The following DMRT1 variants were observed in gnomAD, a reference collection of about 807,000 sequenced individuals.
The protein encoded by DMRT1 is doublesex and mab-3 related transcription factor 1.
In DMRT1, 7 loss-of-function variants were observed where a neutral mutation model predicts 32.3. The observed-to-expected ratio is 0.22, with a 90% CI of 0.12 to 0.41. The LOEUF (loss-of-function observed/expected upper bound fraction) is 0.41, where lower values mean the gene tolerates loss of function less well. DMRT1 is among the 10% of genes least tolerant of loss of function. The pLI is 1.00. For synonymous variants in DMRT1, 278 were observed against 206.1 expected (o/e 1.35, Z -2.99); for missense variants, 625 against 500.5 (o/e 1.25, Z -2.37).
At chr9:924,093 C>A (rs12379451) in intron 4 of DMRT1, among the ~76,000 whole-genome samples, 102,947 of 146,476 alleles carry the variant, frequency 0.7, 37,026 homozygotes, top group South Asian at 0.89. Context: ...TTTTTTCCAC[C>A]TGGAGTCTCT....
intron 2 of DMRT1, 84 bp from the exon 3 acceptor site, chr9:893,828 G>A (rs1817244047): frequency 2.3e-6 from 3 of 1,324,692 alleles, no homozygotes; most frequent in Non-Finnish European, 3.2e-6. Context: ...TGCTCCGCAG[G>A]TCTTGGGTAG....
At chr9:928,385 A>G (rs1359479881) in intron 4 of DMRT1, among the ~76,000 whole-genome samples, 3 of 152,172 alleles carry the variant, frequency 2.0e-5, no homozygotes, top group Non-Finnish European at 4.4e-5. Context: ...TCTCTCCCCC[A>G]TGTATACTTG....
chr9:922,029 C>T (rs1365580692), intron 4 of DMRT1, among the ~76,000 whole-genome samples: 2 of 145,462 alleles, frequency 1.4e-5, no homozygotes, highest in Admixed American at 1.4e-4. Flanking sequence ...TACAGGTGAG[C>T]ACCACAACGC....
intron 4 of DMRT1, among the ~76,000 whole-genome samples, chr9:961,416 T>C (rs1444248942): frequency 2.6e-5 from 4 of 152,176 alleles, no homozygotes; most frequent in African/African-American, 9.7e-5. Flanking sequence ...AAACTTAGGC[T>C]CAAAAACCAC....
Position 873,200 on chromosome 9 carries a change from A to G in DMRT1, c.539-20712A>G, listed in dbSNP as rs145183506. On this transcript the variant is annotated intron_variant, in intron 2 of 4. Transcript: ENST00000382276. ...TGCATCTTCTCATGCACTTTGTGCCATTTTTGTCTGTCTTCTTTAGAGAAA... is the reference window on the plus strand; with the variant it reads ...TGCATCTTCTCATGCACTTTGTGCCGTTTTTGTCTGTCTTCTTTAGAGAAA... Among the ~76,000 whole-genome samples, 49 of 152,102 alleles carry G rather than the reference A, an allele frequency of 3.2e-4. 1 individual carries two copies. The East Asian group carries it at 7.5e-3, about 23-fold the overall frequency.
rs539827618 is a variant in DMRT1, at chr9:912,792, G to C, written c.823-3971G>C. Among the ~76,000 whole-genome samples, 7 of 152,078 alleles carry C rather than the reference G, an allele frequency of 4.6e-5. No homozygotes were observed. In the East Asian group the frequency reaches 1.4e-3, roughly 29 times the overall value. On this transcript the variant is annotated intron_variant, in intron 3 of 4. Transcript: ENST00000382276. ...GGTTCTCAATCTCGGTGTCATATTA[G>C]AATTAACTGGGATCTTTGAAAATAT...
rs1815748126 is a variant in DMRT1 at position 862,308 on chromosome 9, C to G, written c.538+15165C>G. On this transcript the variant is annotated intron_variant, in intron 2 of 4. Transcript: ENST00000382276. ...CGCGGTCAGGAGCTGGAGACCAGCCCCGCCAACACGGCGAAACCCCGTCTC... is the reference window on the plus strand; with the variant it reads ...CGCGGTCAGGAGCTGGAGACCAGCCGCGCCAACACGGCGAAACCCCGTCTC... Among the ~76,000 whole-genome samples, 2 of 152,172 alleles carry G rather than the reference C, an allele frequency of 1.3e-5. 1 individual carries two copies. Among genetic ancestry groups the G allele is most frequent in the South Asian group, 4.1e-4 (2 of 4,824 alleles).
intron 2 of DMRT1, among the ~76,000 whole-genome samples, chr9:857,085 T>G (rs953092767): frequency 5.9e-5 from 9 of 152,104 alleles, no homozygotes; most frequent in African/African-American, 2.2e-4. Context: ...GAGGCCGAGG[T>G]GGGTGGATCA....
At chr9:944,061 A>C (rs1358184252) in intron 4 of DMRT1, among the ~76,000 whole-genome samples, 2 of 152,156 alleles carry the variant, frequency 1.3e-5, no homozygotes, top group African/African-American at 4.8e-5. Context: ...GACTTGGGCA[A>C]ATTTCTTCCC....
intron 4 of DMRT1, among the ~76,000 whole-genome samples, chr9:960,522 G>C (rs2129994548): frequency 6.6e-6 from 1 of 152,320 alleles, no homozygotes; most frequent in South Asian, 2.1e-4. Flanking sequence ...TTGTCTCCTT[G>C]ATCCTCAATG....
rs558154854 is a variant in DMRT1 at position 842,265 on chromosome 9, C to T, written c.354+73C>T. Reference sequence around the variant, plus strand: ...TTTTTTTTTTTTTTAGATGGAGTCTCGCTCGGTTGCCCAGGCTGCAGTGTA... The same window carrying T: ...TTTTTTTTTTTTTTAGATGGAGTCTTGCTCGGTTGCCCAGGCTGCAGTGTA... On this transcript the variant is annotated intron_variant, in intron 1 of 4. Coordinates refer to ENST00000382276, the MANE Select transcript of DMRT1 (RefSeq NM_021951.3). 3.9e-4 allele frequency: 566 copies of T among 1,461,176 alleles called. 4 individuals are homozygous for T. The African/African-American group carries it at 8.4e-3, about 22-fold the overall frequency. 90.5% of individuals were successfully genotyped at this position (1,461,176 alleles called of 1,614,324 possible). A position where few individuals can be genotyped will look rare whatever the true frequency, so the allele number is the denominator to read the frequency against.
intron 4 of DMRT1, among the ~76,000 whole-genome samples, chr9:925,947 A>G (rs981702684): frequency 2.6e-5 from 4 of 152,208 alleles, no homozygotes; most frequent in African/African-American, 9.6e-5. Flanking sequence ...TTTCAAGGAA[A>G]TGGTGGCTGT....
chr9:960,649 A>G (rs1819742106), intron 4 of DMRT1, among the ~76,000 whole-genome samples: 1 of 152,170 alleles, frequency 6.6e-6, no homozygotes, highest in South Asian at 2.1e-4. Flanking sequence ...CAATTCTCAG[A>G]CGGTGGCTGC....
intron 4 of DMRT1, among the ~76,000 whole-genome samples, chr9:932,682 C>T (rs1440689621): frequency 6.6e-6 from 1 of 152,108 alleles, no homozygotes; most frequent in Non-Finnish European, 1.5e-5. Flanking sequence ...TTTTAGGCTC[C>T]AGCTGAAAAT....
intron 4 of DMRT1, among the ~76,000 whole-genome samples, chr9:957,788 T>A (rs1819645860): frequency 1.3e-5 from 2 of 152,176 alleles, no homozygotes; most frequent in African/African-American, 4.8e-5. Context: ...GGCAGGTGGA[T>A]CACCTGAGGT....
intron 3 of DMRT1, among the ~76,000 whole-genome samples, chr9:907,473 T>G (rs566981673): frequency 6.6e-6 from 1 of 152,268 alleles, no homozygotes; most frequent in South Asian, 2.1e-4. Context: ...ACCACCCCAC[T>G]CTCTTTTGTG....
chr9:912,145 A>G (rs1818012743), intron 3 of DMRT1, among the ~76,000 whole-genome samples: 1 of 152,216 alleles, frequency 6.6e-6, no homozygotes, highest in Non-Finnish European at 1.5e-5. Flanking sequence ...GAGAGGAGAA[A>G]GAGAACAGGG....
Position 894,491 on chromosome 9 carries a change from CT to C in DMRT1, c.822+300del, listed in dbSNP as rs930409951. 3.1e-5 allele frequency: 14 copies of C among 456,782 alleles called. No individual in the cohort carries two copies. In the Admixed American group the frequency reaches 3.8e-4, roughly 12 times the overall value. The allele number at this position is 456,782 out of a possible 1,614,324, so 28.3% of individuals were successfully genotyped here. On this transcript the variant is annotated intron_variant, in intron 3 of 4. Coordinates refer to ENST00000382276, the MANE Select transcript of DMRT1 (RefSeq NM_021951.3). The stretch of plus-strand genomic sequence containing the variant: ...AACTTGTTTTCTTTTTCAAATTTTA[CT>C]TTTCTCATTTTTTGAATGTTGCATA...
chr9:861,014 T>C (rs972119878), intron 2 of DMRT1, among the ~76,000 whole-genome samples: 3 of 151,728 alleles, frequency 2.0e-5, no homozygotes, highest in African/African-American at 7.3e-5. Flanking sequence ...AGCCATTAAC[T>C]ATTAAAGCAG....
Sources: allele counts gnomAD v4.1 joint callset (sites outside exome capture counted in the v4.1 genomes callset), GRCh38; gene constraint gnomAD v4.1.1; transcripts MANE v1.5; gene names NCBI Gene and HGNC (gene_info 2026-07-23, HGNC 2026-07-21).